The following PRKD1 variants were observed in gnomAD, a reference collection of about 807,000 sequenced individuals.
PRKD1 encodes serine/threonine-protein kinase D1.
In PRKD1, 63 loss-of-function variants were observed where a neutral mutation model predicts 95.9. That is an observed-to-expected ratio of 0.66 (90% CI 0.54 to 0.81). The LOEUF (loss-of-function observed/expected upper bound fraction) is 0.81, where lower values mean the gene tolerates loss of function less well. Among genes scored for constraint, PRKD1 ranks in the 30% least tolerant of loss-of-function variants. PRKD1 has a pLI of 0.00. For synonymous variants in PRKD1, 425 were observed against 423.1 expected, an observed-to-expected ratio of 1.00 and a Z score of -0.05; for missense variants, 1,048 against 1,165.3, an observed-to-expected ratio of 0.90 and a Z score of 1.47.
chr14:29,886,986 AAAGGAACT>A (rs1171437804), intron 1 of PRKD1, among the ~76,000 whole-genome samples: 18 of 152,236 alleles, frequency 1.2e-4, no homozygotes, highest in Admixed American at 8.5e-4. Context: ...AGTCCTCTGG[AAAGGAACT>A]TGTGCACATC....
At chr14:29,613,159 A>G (rs1348442498) in intron 13 of PRKD1, among the ~76,000 whole-genome samples, 2 of 152,242 alleles carry the variant, frequency 1.3e-5, no homozygotes, top group Non-Finnish European at 2.9e-5. Context: ...AATATAGTAC[A>G]TATTAGATGA....
chr14:29,642,459 T>TA (rs929550920), intron 4 of PRKD1, among the ~76,000 whole-genome samples: 1 of 152,180 alleles, frequency 6.6e-6, no homozygotes. Flanking sequence ...ATGATACTTT[T>TA]AAAAAACTCA....
chr14:29,766,888 G>A (rs1888282949), intron 1 of PRKD1, among the ~76,000 whole-genome samples: 2 of 152,106 alleles, frequency 1.3e-5, no homozygotes, highest in Admixed American at 1.3e-4. Context: ...GTCACTCACT[G>A]CATTGGATTT....
chr14:29,909,599 C>A (rs529497581), intron 1 of PRKD1, among the ~76,000 whole-genome samples: 1 of 152,202 alleles, frequency 6.6e-6, no homozygotes, highest in Non-Finnish European at 1.5e-5. Context: ...TCTGGCTAAT[C>A]TGGTGGGGAC....
chr14:29,872,773 G>A (rs1368235246), intron 1 of PRKD1, among the ~76,000 whole-genome samples: 1 of 151,978 alleles, frequency 6.6e-6, no homozygotes, highest in Non-Finnish European at 1.5e-5. Flanking sequence ...TACAAAAGGA[G>A]TCAAAACAGA....
At chr14:29,878,267 T>C (rs920591907) in intron 1 of PRKD1, among the ~76,000 whole-genome samples, 1 of 137,904 alleles carries the variant, frequency 7.3e-6, no homozygotes, top group Non-Finnish European at 1.5e-5. Context: ...TTTGCCTATA[T>C]AACCAAGCTG....
intron 2 of PRKD1, among the ~76,000 whole-genome samples, chr14:29,719,735 C>G (rs1885793714): frequency 6.6e-6 from 1 of 152,132 alleles, no homozygotes. Context: ...ATTATGTAAG[C>G]AAAGATTTCA....
intron 2 of PRKD1, among the ~76,000 whole-genome samples, chr14:29,690,599 C>T (rs1228650715): frequency 6.6e-6 from 1 of 152,178 alleles, no homozygotes; most frequent in Non-Finnish European, 1.5e-5. Flanking sequence ...CACTCTTCTT[C>T]CTTTTCCAAT....
intron 1 of PRKD1, among the ~76,000 whole-genome samples, chr14:29,855,005 C>T (rs1892443101): frequency 6.6e-6 from 1 of 152,230 alleles, no homozygotes; most frequent in African/African-American, 2.4e-5. Context: ...ATAAAGACGC[C>T]TGGATGCCCA....
intron 13 of PRKD1, 22 bp downstream of exon 13, chr14:29,624,130 C>T: frequency 6.5e-7 from 1 of 1,543,872 alleles, no homozygotes; most frequent in Non-Finnish European, 8.8e-7. Flanking sequence ...ACCCTTTCCC[C>T]AAATGAGAAC....
chr14:29,880,895 G>A (rs1893487860), intron 1 of PRKD1, among the ~76,000 whole-genome samples: 1 of 152,176 alleles, frequency 6.6e-6, no homozygotes, highest in Non-Finnish European at 1.5e-5. Flanking sequence ...CATTTGGAAT[G>A]GCTGTATTTA....
At chr14:29,620,100 C>T (rs1029856986) in intron 13 of PRKD1, among the ~76,000 whole-genome samples, 1 of 151,440 alleles carries the variant, frequency 6.6e-6, no homozygotes, top group African/African-American at 2.4e-5. Context: ...ATAAATGGTG[C>T]TGGGAAAACT....
intron 13 of PRKD1, among the ~76,000 whole-genome samples, chr14:29,620,686 G>A (rs1426436230): frequency 1.3e-5 from 2 of 152,066 alleles, no homozygotes; most frequent in East Asian, 1.9e-4. Flanking sequence ...ACAGCTGCTG[G>A]AGAGGATGTG....
chr14:29,892,903 C>T, intron 1 of PRKD1, among the ~76,000 whole-genome samples: 1 of 152,182 alleles, frequency 6.6e-6, no homozygotes, highest in East Asian at 1.9e-4. Flanking sequence ...TTACAGGCAT[C>T]AAACTTATGT....
chr14:29,835,827 C>A (rs1410415022), intron 1 of PRKD1, among the ~76,000 whole-genome samples: 1 of 152,156 alleles, frequency 6.6e-6, no homozygotes. Flanking sequence ...CCTCAGCCTC[C>A]CAAAGTGCTG....
intron 2 of PRKD1, among the ~76,000 whole-genome samples, chr14:29,690,198 T>C (rs1000506137): frequency 1.3e-5 from 2 of 152,164 alleles, no homozygotes; most frequent in Non-Finnish European, 2.9e-5. Context: ...TCCACTCCCA[T>C]GGTTTAATTA....
At chr14:29,859,857 GT>G (rs1418817409) in intron 1 of PRKD1, among the ~76,000 whole-genome samples, 1 of 151,912 alleles carries the variant, frequency 6.6e-6, no homozygotes, top group Non-Finnish European at 1.5e-5. Context: ...AAATAATATA[GT>G]TTTTTAAATA....
intron 16 of PRKD1, chr14:29,592,667 G>A (rs77289028): frequency 6.6e-6 from 1 of 152,100 alleles, no homozygotes; most frequent in African/African-American, 2.4e-5. Flanking sequence ...ACTGTGCTAA[G>A]CAGTTTCCAG....
chr14:29,755,323 G>T (rs777157610), intron 1 of PRKD1, among the ~76,000 whole-genome samples: 23 of 151,926 alleles, frequency 1.5e-4, no homozygotes, highest in Non-Finnish European at 2.8e-4. Flanking sequence ...TTAAAAACAT[G>T]TACTAAATTT....
Sources: gnomAD v4.1 joint callset for allele counts (sites outside exome capture counted in the v4.1 genomes callset) on GRCh38, gnomAD v4.1.1 for gene constraint, MANE v1.5 for transcripts, NCBI Gene and HGNC (gene_info 2026-07-23, HGNC 2026-07-21) for gene names.